Variants in C2orf42 observed in about 807,000 individuals in gnomAD.
C2orf42 encodes chromosome 2 open reading frame 42, also known as uncharacterized protein C2orf42.
Under a neutral mutation model 58.9 loss-of-function variants are expected in C2orf42, and 44 were observed. The ratio of observed to expected loss-of-function variants is 0.75; its 90% CI spans 0.59 to 0.96. The LOEUF (loss-of-function observed/expected upper bound fraction) is 0.96. Among genes scored for constraint, C2orf42 ranks in the 40% least tolerant of loss-of-function variants. C2orf42 has a pLI of 0.00. For missense variants in C2orf42, 630 were observed against 699.2 expected (o/e 0.90, Z 1.12); for synonymous variants, 239 against 265.4 (o/e 0.90, Z 0.97).
At chr2:70,167,882 G>A (rs1422606984) in intron 6 of C2orf42, among the ~76,000 whole-genome samples, 1 of 152,034 alleles carries the variant, frequency 6.6e-6, no homozygotes, top group African/African-American at 2.4e-5. Flanking sequence ...GGATGGAAGA[G>A]GGAATAGGAT....
chr2:70,178,412 G>A (rs1396883410), intron 4 of C2orf42, among the ~76,000 whole-genome samples: 1 of 151,992 alleles, frequency 6.6e-6, no homozygotes, highest in Non-Finnish European at 1.5e-5. Context: ...TTCAAGACCA[G>A]CCTGGCCAAC....
intron 5 of C2orf42, among the ~76,000 whole-genome samples, chr2:70,172,771 T>C (rs1300208202): frequency 6.6e-6 from 1 of 152,196 alleles, no homozygotes; most frequent in Non-Finnish European, 1.5e-5. Flanking sequence ...CAATGACTAT[T>C]CATTTAAAAC....
intron 9 of C2orf42, among the ~76,000 whole-genome samples, chr2:70,157,013 C>A (rs986213569): frequency 6.7e-6 from 1 of 150,056 alleles, no homozygotes; most frequent in African/African-American, 2.5e-5. Context: ...CTGGCAATAA[C>A]TCTGATGTAC....
Position 70,182,006 on chromosome 2 carries a change from G to A in C2orf42, c.-12-9C>T, listed in dbSNP as rs775312226. On this transcript the variant is annotated splice_polypyrimidine_tract_variant and intron_variant, in intron 2 of 9. Coordinates refer to ENST00000264434, the MANE Select transcript of C2orf42 (RefSeq NM_017880.3). ...TCCATTTTTCAGAGGCCCTACAAAAGACAATACATCCAACAGTATGAGTAT... is the reference window on the plus strand; with the variant it reads ...TCCATTTTTCAGAGGCCCTACAAAAAACAATACATCCAACAGTATGAGTAT... 7.6e-6 allele frequency: 10 copies of A among 1,322,974 alleles called. No homozygotes were observed. The highest frequency in any genetic ancestry group is 1.1e-5 in the Non-Finnish European group (10 of 923,660). The allele number at this position is 1,322,974 out of a possible 1,614,324, so 82.0% of individuals were successfully genotyped here. A position where few individuals can be genotyped will look rare whatever the true frequency, so the allele number is the denominator to read the frequency against.
rs1181138603 is a variant in C2orf42, at chr2:70,181,245, A to G, written c.741T>C (p.His247=). 6.2e-7 allele frequency: 1 copy of G among 1,607,462 alleles called. No homozygotes were observed. The highest frequency in any genetic ancestry group is 8.5e-7 in the Non-Finnish European group (1 of 1,174,472). The change falls in exon 3 of 10, where the codon CAT becomes CAC. Residue 247 remains histidine, a synonymous_variant. Transcript: ENST00000264434. ...SKDETAQRCI[H]FFACICAFAS... ...CAAAGGCACAGATGCAAGCAAAGAA[A>G]TGAATGCATCTCTGGGCTGTCTCAT...
intron 9 of C2orf42, among the ~76,000 whole-genome samples, chr2:70,151,378 G>C (rs970585026): frequency 1.3e-5 from 2 of 152,046 alleles, no homozygotes; most frequent in South Asian, 4.2e-4. Context: ...GCTTACACCT[G>C]TAATTCCAGC....
At chr2:70,161,455 G>T (rs1447072814) in intron 8 of C2orf42, among the ~76,000 whole-genome samples, 2 of 152,128 alleles carry the variant, frequency 1.3e-5, no homozygotes, top group Non-Finnish European at 2.9e-5. Flanking sequence ...GCTAAAAACT[G>T]CCTCTGTGCC....
At chr2:70,182,244 C>CT (rs1293920601) in intron 2 of C2orf42, among the ~76,000 whole-genome samples, 19 of 152,188 alleles carry the variant, frequency 1.2e-4, no homozygotes, top group African/African-American at 4.6e-4. Context: ...GGACTATAGG[C>CT]ACCCGCCACC....
Position 70,170,587 on chromosome 2 carries a change from T to A in C2orf42, c.1040-926A>T, listed in dbSNP as rs1673741095. ...TGGCCAACATGGTGAAACCCCCGTC[T>A]CTACTAAAAATACAAAAATTAGCTG... On this transcript the variant is annotated intron_variant, in intron 5 of 9. Transcript: ENST00000264434. Among the ~76,000 whole-genome samples, 3 of 151,818 alleles carry A rather than the reference T, an allele frequency of 2.0e-5. No individual in the cohort carries two copies. In the South Asian group the frequency reaches 6.2e-4, roughly 32 times the overall value.
chr2:70,175,671 A>AC lies in C2orf42; in HGVS notation c.1039+1dup, dbSNP rs751024852. On this transcript the variant is annotated splice_donor_variant, in intron 5 of 9. Transcript: ENST00000264434. LOFTEE classifies it high-confidence loss of function. ...AGCCTATTCTAGGGAAGGGAAACTT[A>AC]CCCTGCCTTTTTAACGAGGAAGCAA... 1 of 1,585,226 alleles carries AC rather than the reference A, an allele frequency of 6.3e-7. No individual in the cohort carries two copies. Among genetic ancestry groups the AC allele is most frequent in the Admixed American group, 1.7e-5 (1 of 59,936 alleles).
chr2:70,154,998 C>T (rs563845660), intron 9 of C2orf42, among the ~76,000 whole-genome samples: 1 of 152,060 alleles, frequency 6.6e-6, no homozygotes, highest in East Asian at 1.9e-4. Context: ...TGTAATCCAG[C>T]ACTTTGGGAG....
At chr2:70,162,521 G>A (rs1673120998) in intron 8 of C2orf42, among the ~76,000 whole-genome samples, 1 of 151,716 alleles carries the variant, frequency 6.6e-6, no homozygotes, top group East Asian at 2.0e-4. Flanking sequence ...TGGTGCGCTT[G>A]TAATCCCAGC....
intron 9 of C2orf42, among the ~76,000 whole-genome samples, chr2:70,156,313 T>C (rs1672674093): frequency 6.6e-6 from 1 of 152,060 alleles, no homozygotes; most frequent in African/African-American, 2.4e-5. Context: ...AAACCAAGTA[T>C]ATAATGTTGA....
chr2:70,179,768 A>T (rs1674430119), intron 3 of C2orf42, 126 bp from the exon 4 acceptor site: 4 of 445,508 alleles, frequency 9.0e-6, no homozygotes, highest in Non-Finnish European at 1.6e-5. Flanking sequence ...AGGCTGGGCA[A>T]CATAGGCAGA....
At chr2:70,164,604 C>T (rs1182175391) in intron 8 of C2orf42, among the ~76,000 whole-genome samples, 1 of 151,716 alleles carries the variant, frequency 6.6e-6, no homozygotes, top group Admixed American at 6.6e-5. Context: ...TGCACTCCAG[C>T]CTGGGTGACA....
chr2:70,160,652 A>C lies in C2orf42; in HGVS notation c.1489T>G (p.Leu497Val), dbSNP rs1427966725. The change falls in exon 9 of 10, where the codon TTG (leucine) becomes GTG (valine). Residue 497 changes from leucine (L) to valine (V), a missense_variant. By Grantham distance (32) the Leu-to-Val change is conservative (BLOSUM62 1). Coordinates refer to ENST00000264434, the MANE Select transcript of C2orf42 (RefSeq NM_017880.3). ...ACTTTGAGAAAAGTTTTTAGTTCCA[A>C]GGGTCGCAGCACTGGTTGTTTTTCT... ...RIEKQPVLRP[L>V]ELKTFLKVGN... 1.9e-6 allele frequency: 3 copies of C among 1,600,330 alleles called. No homozygotes were observed. The highest frequency in any genetic ancestry group is 2.7e-5 in the African/African-American group (2 of 73,896).
At chr2:70,166,503 TAAAAA>T (rs758706026) in intron 6 of C2orf42, among the ~76,000 whole-genome samples, 3 of 93,116 alleles carry the variant, frequency 3.2e-5, no homozygotes, top group African/African-American at 1.2e-4. Context: ...CCATCTCTAC[TAAAAA>T]AAAAAAAAAA....
At chr2:70,170,352 T>A (rs1673725761) in intron 5 of C2orf42, among the ~76,000 whole-genome samples, 1 of 151,844 alleles carries the variant, frequency 6.6e-6, no homozygotes, top group Admixed American at 6.6e-5. Flanking sequence ...GTTTAAGCGA[T>A]TCTCATGCCT....
chr2:70,179,552 C>T lies in C2orf42; in HGVS notation c.914G>A (p.Arg305Lys). The T allele has an allele frequency of 6.6e-7, 1 of 1,505,690 alleles. No individual in the cohort carries two copies. Among genetic ancestry groups the T allele is most frequent in the Non-Finnish European group, 9.2e-7 (1 of 1,083,698 alleles). 93.3% of individuals were successfully genotyped at this position (1,505,690 alleles called of 1,614,324 possible). A position where few individuals can be genotyped will look rare whatever the true frequency, so the allele number is the denominator to read the frequency against. ...CESTASKSKKRRKDEVSGAQM... is the reference protein window; with the variant it reads ...CESTASKSKKKRKDEVSGAQM... ...CTTACCAGATACTTCATCCTTTCTC[C>T]TCTTCTTTGACTTAGAGGCAGTAGA... The change falls in exon 4 of 10, where the codon AGG becomes AAG. Residue 305 changes from arginine (R) to lysine (K), a missense_variant. Arg to Lys is a conservative substitution (Grantham distance 26). Coordinates refer to ENST00000264434, the MANE Select transcript of C2orf42 (RefSeq NM_017880.3).
Sources: gnomAD v4.1 joint callset for allele counts (sites outside exome capture counted in the v4.1 genomes callset) on GRCh38, gnomAD v4.1.1 for gene constraint, MANE v1.5 for transcripts, NCBI Gene and HGNC (gene_info 2026-07-23, HGNC 2026-07-21) for gene names.